VPS35L: variants seen among roughly 807,000 people sequenced by gnomAD.
The protein encoded by VPS35L is VPS35 endosomal protein sorting factor like, also known as VPS35 endosomal protein-sorting factor-like.
VPS35L carries 83 observed loss-of-function variants against 133.0 expected under a neutral mutation model. The ratio of observed to expected loss-of-function variants is 0.62; its 90% CI spans 0.52 to 0.75. The LOEUF is 0.75. Among genes scored for constraint, VPS35L ranks in the 30% least tolerant of loss-of-function variants. The pLI is 0.00. For missense variants in VPS35L, 1,083 were observed against 1,206.8 expected (o/e 0.90, Z 1.52); for synonymous variants, 423 against 449.9 (o/e 0.94, Z 0.76).
At chr16:19,676,781 A>G (rs1352427546) in intron 27 of VPS35L, among the ~76,000 whole-genome samples, 1 of 152,200 alleles carries the variant, frequency 6.6e-6, no homozygotes, top group Non-Finnish European at 1.5e-5. Context: ...TGAGCAAGAG[A>G]AGCATACCCC....
At chr16:19,560,239 G>T (rs1199922853) in intron 1 of VPS35L, among the ~76,000 whole-genome samples, 1 of 152,156 alleles carries the variant, frequency 6.6e-6, no homozygotes, top group African/African-American at 2.4e-5. Context: ...ACCTTATTGG[G>T]TTGATTAAAT....
In VPS35L at chr16:19,633,052, A is replaced by G. The variant is rs762653791; in HGVS notation, c.1555-40A>G. 1 of 1,536,570 alleles carries G rather than the reference A, an allele frequency of 6.5e-7. No individual in the cohort carries two copies. The highest frequency in any genetic ancestry group is 9.0e-7 in the Non-Finnish European group (1 of 1,109,442). On this transcript the variant is annotated intron_variant, in intron 18 of 30. Coordinates refer to ENST00000417362, the MANE Select transcript of VPS35L (RefSeq NM_020314.7). This position sits in a 1 kb window ranked among gnomAD's most constrained non-coding sequence, Gnocchi z 4.1. Reference sequence around the variant, plus strand: ...CAGGAACATGGTCAGCAGTTGCCATACAGTGTCTAATTCAGGTTTGGTTCC... The same window carrying G: ...CAGGAACATGGTCAGCAGTTGCCATGCAGTGTCTAATTCAGGTTTGGTTCC...
At chr16:19,628,041 G>T (rs1370665576) in intron 16 of VPS35L, among the ~76,000 whole-genome samples, 1 of 152,148 alleles carries the variant, frequency 6.6e-6, no homozygotes, top group Non-Finnish European at 1.5e-5. Flanking sequence ...CACTATGAAG[G>T]ATTTAAGAAA....
At chr16:19,642,202 T>A (rs541678832) in intron 21 of VPS35L, among the ~76,000 whole-genome samples, 194 bp from the exon 22 acceptor site, 8 of 152,266 alleles carry the variant, frequency 5.3e-5, no homozygotes, top group African/African-American at 1.9e-4. Flanking sequence ...AGAGTGAGAC[T>A]CTGTCTCAAA....
intron 3 of VPS35L, among the ~76,000 whole-genome samples, chr16:19,571,065 G>T (rs1204465714): frequency 3.3e-5 from 5 of 150,986 alleles, no homozygotes; most frequent in African/African-American, 7.3e-5. Context: ...TAGAGACGGG[G>T]TTTCACTATA....
At chr16:19,557,915 A>G (rs1188005951) in intron 1 of VPS35L, among the ~76,000 whole-genome samples, 1 of 152,012 alleles carries the variant, frequency 6.6e-6, no homozygotes, top group Non-Finnish European at 1.5e-5. Context: ...GCCAGGCATG[A>G]CGGCAGGTTC....
At chr16:19,637,801 G>T in intron 20 of VPS35L, 145 bp downstream of exon 20, 1 of 500,826 alleles carries the variant, frequency 2.0e-6, no homozygotes, top group East Asian at 3.3e-5. Flanking sequence ...ATCAACTTAA[G>T]TATTTATGTC....
At chr16:19,575,736 G>A (rs1971511222) in intron 5 of VPS35L, among the ~76,000 whole-genome samples, 1 of 151,348 alleles carries the variant, frequency 6.6e-6, no homozygotes, top group Non-Finnish European at 1.5e-5. Flanking sequence ...GGTGGTACAT[G>A]CCTATAATCC....
chr16:19,570,881 A>ATTTTTTTT (rs1567388851), intron 3 of VPS35L, among the ~76,000 whole-genome samples: 2 of 64,310 alleles, frequency 3.1e-5, no homozygotes, highest in African/African-American at 1.6e-4. Flanking sequence ...ATATATATAT[A>ATTTTTTTT]TATATATATT....
chr16:19,579,118 A>G lies in VPS35L; in HGVS notation c.500A>G (p.Asp167Gly), dbSNP rs1162995619. 6.2e-7 allele frequency: 1 copy of G among 1,613,914 alleles called. No homozygotes were observed. The highest frequency in any genetic ancestry group is 8.5e-7 in the Non-Finnish European group (1 of 1,179,930). The change falls in exon 6 of 31, where the codon GAC becomes GGC. Residue 167 changes from aspartate to glycine, a missense_variant. Coordinates refer to ENST00000417362, the MANE Select transcript of VPS35L (RefSeq NM_020314.7). ...KVRTRLEELD[D>G]FEEGSQKELL... ...CGGACCCGGCTGGAGGAGCTGGATG[A>G]CTTTGAGGAGGTGAGCAAGTCATTT...
chr16:19,610,569 A>T, intron 12 of VPS35L, 154 bp downstream of exon 12: 1 of 496,230 alleles, frequency 2.0e-6, no homozygotes, highest in Non-Finnish European at 3.5e-6. Context: ...CACAGAAAGT[A>T]GAACTGTAGG....
intron 14 of VPS35L, among the ~76,000 whole-genome samples, chr16:19,624,648 A>G (rs1330174441): frequency 1.3e-5 from 2 of 151,766 alleles, no homozygotes; most frequent in Non-Finnish European, 2.9e-5. Context: ...ATCTCACTAT[A>G]TTGCCCAGAC....
At position 19,575,088 on chromosome 16, in the gene VPS35L, G is replaced by T; in HGVS notation, c.409-10G>T. The T allele has an allele frequency of 6.3e-7, 1 of 1,597,562 alleles. No individual in the cohort carries two copies. The highest frequency in any genetic ancestry group is 8.5e-7 in the Non-Finnish European group (1 of 1,170,556). On this transcript the variant is annotated splice_polypyrimidine_tract_variant and intron_variant, in intron 4 of 30. Coordinates refer to ENST00000417362, the MANE Select transcript of VPS35L (RefSeq NM_020314.7). Reference sequence around the variant, plus strand: ...TTTTTAAAATATTAATGAATTTTATGTCTCTGCAGAATCTGTTTATGGGAT... The same window carrying T: ...TTTTTAAAATATTAATGAATTTTATTTCTCTGCAGAATCTGTTTATGGGAT...
At chr16:19,656,962 G>GTTTTTTTTTTTTTTTTTTTT (rs1180404849) in intron 26 of VPS35L, among the ~76,000 whole-genome samples, 1 of 109,560 alleles carries the variant, frequency 9.1e-6, no homozygotes. Flanking sequence ...AAAAGAACTT[G>GTTTTTTTTTTTTTTTTTTTT]TTTTTTTTTT....
chr16:19,654,175 C>T (rs1276518777), intron 26 of VPS35L, among the ~76,000 whole-genome samples: 1 of 152,138 alleles, frequency 6.6e-6, no homozygotes, highest in Non-Finnish European at 1.5e-5. Context: ...GAACAAGCCA[C>T]AGCTCCTTAC....
chr16:19,648,734 G>A (rs1288360247), intron 24 of VPS35L, among the ~76,000 whole-genome samples: 1 of 151,872 alleles, frequency 6.6e-6, no homozygotes, highest in African/African-American at 2.4e-5. Context: ...CAGGCGGGGT[G>A]GCAGGCACCT....
intron 21 of VPS35L, among the ~76,000 whole-genome samples, chr16:19,641,714 A>T (rs1429147711): frequency 1.3e-5 from 2 of 152,172 alleles, no homozygotes; most frequent in East Asian, 3.9e-4. Context: ...CCAAATGAAT[A>T]ATTTTGCCTG....
At chr16:19,613,751 G>T (rs1315848985) in intron 12 of VPS35L, among the ~76,000 whole-genome samples, 1 of 152,078 alleles carries the variant, frequency 6.6e-6, no homozygotes, top group Non-Finnish European at 1.5e-5. Context: ...TTACTGACTG[G>T]GTCACATGCC....
At chr16:19,611,944 C>CT (rs1213608306) in intron 12 of VPS35L, 10,400 of 144,140 alleles carry the variant, frequency 0.072, 1,144 homozygotes, top group African/African-American at 0.24. Context: ...TTTCTTTTTC[C>CT]TTTTTTTTTT....
Sources: allele counts gnomAD v4.1 joint callset (sites outside exome capture counted in the v4.1 genomes callset), GRCh38; gene constraint gnomAD v4.1.1; non-coding constraint Gnocchi (gnomAD v3.1); transcripts MANE v1.5; gene names NCBI Gene and HGNC (gene_info 2026-07-23, HGNC 2026-07-21).